AKAP19: variants seen among roughly 807,000 people sequenced by gnomAD.
AKAP19 encodes small A-kinase anchoring protein.
the AKAP19 span, among the ~76,000 whole-genome samples, chr2:189,965,434 C>T: frequency 6.6e-6 from 1 of 152,018 alleles, no homozygotes; most frequent in Non-Finnish European, 1.5e-5. Context: ...CTACAAGGAA[C>T]TCAAACAAAT....
At chr2:190,159,044 A>T in the AKAP19 span, among the ~76,000 whole-genome samples, 2,232 of 152,314 alleles carry the variant, frequency 0.015, 34 homozygotes, top group Non-Finnish European at 0.02. Context: ...ATGCAGGATA[A>T]TTGTGGGAGT....
chr2:190,002,732 C>A, the AKAP19 span, among the ~76,000 whole-genome samples: 5,203 of 152,122 alleles, frequency 0.034, 278 homozygotes, highest in African/African-American at 0.11. Context: ...ATTCTTAGGA[C>A]CGTCAGTTGG....
At chr2:190,068,856 T>G in the AKAP19 span, among the ~76,000 whole-genome samples, 1 of 152,112 alleles carries the variant, frequency 6.6e-6, no homozygotes, top group Non-Finnish European at 1.5e-5. Flanking sequence ...GGTCCCTGTG[T>G]TCTTGACACT....
At chr2:189,892,814 C>G in the AKAP19 span, among the ~76,000 whole-genome samples, 3 of 152,180 alleles carry the variant, frequency 2.0e-5, no homozygotes, top group African/African-American at 7.2e-5. Flanking sequence ...ATGTTTAAGT[C>G]TGCTGAAGCT....
the AKAP19 span, among the ~76,000 whole-genome samples, chr2:190,053,966 A>G: frequency 6.6e-6 from 1 of 152,152 alleles, no homozygotes; most frequent in Admixed American, 6.6e-5. Flanking sequence ...ATCACTTAAA[A>G]AATTTTTATA....
the AKAP19 span, chr2:189,917,463 A>G: frequency 1.4e-6 from 1 of 701,438 alleles, no homozygotes. Flanking sequence ...TTCAGGAATT[A>G]CTGGTTGACT....
the AKAP19 span, among the ~76,000 whole-genome samples, chr2:190,016,364 G>A: frequency 6.6e-6 from 1 of 152,188 alleles, no homozygotes; most frequent in Non-Finnish European, 1.5e-5. Context: ...GAGCCAAGGT[G>A]TGAAGGAGGA....
At chr2:189,995,989 T>C in the AKAP19 span, among the ~76,000 whole-genome samples, 1 of 152,224 alleles carries the variant, frequency 6.6e-6, no homozygotes, top group Non-Finnish European at 1.5e-5. Context: ...AATTTTCCTT[T>C]ATAGGTTACC....
chr2:190,059,896 T>G, the AKAP19 span, among the ~76,000 whole-genome samples: 3 of 151,974 alleles, frequency 2.0e-5, no homozygotes, highest in Admixed American at 1.3e-4. Context: ...TCATAGGATA[T>G]GAAATTGGAC....
At chr2:190,195,018 C>CTAATTTTTTTCATATT in the AKAP19 span, among the ~76,000 whole-genome samples, 2 of 152,186 alleles carry the variant, frequency 1.3e-5, no homozygotes, top group African/African-American at 4.8e-5. Flanking sequence ...CCATGCCTGG[C>CTAATTTTTTTCATATT]TAATTTTTTT....
chr2:190,157,629 A>C, the AKAP19 span, among the ~76,000 whole-genome samples: 2 of 152,052 alleles, frequency 1.3e-5, no homozygotes, highest in Non-Finnish European at 2.9e-5. Context: ...TTACTTAACT[A>C]TTTTTTTAAA....
At chr2:189,903,221 A>C in the AKAP19 span, among the ~76,000 whole-genome samples, 1 of 152,002 alleles carries the variant, frequency 6.6e-6, no homozygotes, top group African/African-American at 2.4e-5. Context: ...TGAATATGTT[A>C]TTAGGTTAAT....
the AKAP19 span, chr2:190,060,226 C>G: frequency 1.2e-6 from 2 of 1,613,086 alleles, no homozygotes; most frequent in East Asian, 4.5e-5. Context: ...GGGTTCATGT[C>G]AAGTTTCAGA....
chr2:190,051,352 C>T, the AKAP19 span, among the ~76,000 whole-genome samples: 1 of 152,058 alleles, frequency 6.6e-6, no homozygotes, highest in Non-Finnish European at 1.5e-5. Flanking sequence ...CTAGGTAAGG[C>T]TGTGTCAATA....
the AKAP19 span, among the ~76,000 whole-genome samples, chr2:190,101,355 C>G: frequency 6.6e-5 from 10 of 152,316 alleles, no homozygotes; most frequent in East Asian, 1.9e-3. Flanking sequence ...AGGACCAGCT[C>G]GGTAACCTGG....
chr2:189,902,515 G>C, the AKAP19 span, among the ~76,000 whole-genome samples: 6 of 151,900 alleles, frequency 3.9e-5, no homozygotes, highest in African/African-American at 1.2e-4. Flanking sequence ...TTTCTAAGCT[G>C]CATAATTAGA....
At chr2:190,202,340 T>C in the AKAP19 span, 1 of 167,172 alleles carries the variant, frequency 6.0e-6, no homozygotes, top group East Asian at 1.9e-4. Context: ...TATTGTATGT[T>C]AACCCATGAC....
the AKAP19 span, among the ~76,000 whole-genome samples, chr2:189,896,024 A>G: frequency 3.3e-5 from 5 of 151,792 alleles, no homozygotes; most frequent in Admixed American, 6.6e-5. Flanking sequence ...AAAAAAAAAA[A>G]ACATACTGCT....
chr2:189,913,068 T>C, the AKAP19 span, among the ~76,000 whole-genome samples: 2 of 152,154 alleles, frequency 1.3e-5, no homozygotes, highest in African/African-American at 4.8e-5. Context: ...AATGTATATA[T>C]TACACTTTAC....
Sources: gnomAD v4.1 joint callset for allele counts (sites outside exome capture counted in the v4.1 genomes callset) on GRCh38, gnomAD v4.1.1 for gene constraint, MANE v1.5 for transcripts, NCBI Gene and HGNC (gene_info 2026-07-23, HGNC 2026-07-21) for gene names.